The following ADGRA2 variants were observed in gnomAD, a reference collection of about 807,000 sequenced individuals.
ADGRA2 encodes adhesion G protein-coupled receptor A2.
ADGRA2 carries 61 observed loss-of-function variants against 98.7 expected under a neutral mutation model. The observed-to-expected ratio is 0.62, with a 90% confidence interval of 0.50 to 0.76. The LOEUF (loss-of-function observed/expected upper bound fraction) is 0.76, where lower values mean the gene tolerates loss of function less well. Among genes scored for constraint, ADGRA2 ranks in the 30% least tolerant of loss-of-function variants. The pLI, the probability that ADGRA2 is intolerant of heterozygous loss-of-function variation, is 0.00. For missense variants in ADGRA2, 1,712 were observed against 1,860.0 expected (o/e 0.92, Z 1.46); for synonymous variants, 858 against 831.5 (o/e 1.03, Z -0.55).
At chr8:37,821,416 C>T (rs1006314167) in intron 2 of ADGRA2, among the ~76,000 whole-genome samples, 3 of 152,204 alleles carry the variant, frequency 2.0e-5, no homozygotes, top group Non-Finnish European at 4.4e-5. Flanking sequence ...ATAGATTTGC[C>T]TACAGTTCCC....
intron 2 of ADGRA2, among the ~76,000 whole-genome samples, chr8:37,825,659 A>C (rs1805257632): frequency 6.6e-6 from 1 of 151,940 alleles, no homozygotes; most frequent in African/African-American, 2.4e-5. Flanking sequence ...CTTCAAAAGG[A>C]TGTGCTAAGA....
intron 2 of ADGRA2, among the ~76,000 whole-genome samples, chr8:37,818,017 C>T (rs1805027747): frequency 6.6e-6 from 1 of 152,044 alleles, no homozygotes; most frequent in African/African-American, 2.4e-5. Context: ...AGCAAGACTC[C>T]GTCTCTAAAT....
At chr8:37,801,916 A>G (rs1206517970) in intron 1 of ADGRA2, among the ~76,000 whole-genome samples, 1 of 152,260 alleles carries the variant, frequency 6.6e-6, no homozygotes, top group Non-Finnish European at 1.5e-5. Flanking sequence ...TGACCTGGGA[A>G]CATTCCAGGC....
At chr8:37,816,597 C>A (rs1183947250) in intron 2 of ADGRA2, among the ~76,000 whole-genome samples, 1 of 94,754 alleles carries the variant, frequency 1.1e-5, no homozygotes, top group African/African-American at 3.8e-5. Context: ...GTCTCAAACA[C>A]ACACACACAC....
At chr8:37,828,128 A>G (rs1157268575) in intron 2 of ADGRA2, among the ~76,000 whole-genome samples, 1 of 151,184 alleles carries the variant, frequency 6.6e-6, no homozygotes, top group Non-Finnish European at 1.5e-5. Flanking sequence ...GATGACAGAG[A>G]GACCCAGCCT....
intron 1 of ADGRA2, among the ~76,000 whole-genome samples, chr8:37,799,771 G>T (rs1804444558): frequency 6.6e-6 from 1 of 152,146 alleles, no homozygotes. Context: ...CCTGGCTCTG[G>T]ACTTCCCCAC....
Position 37,844,750 on chromosome 8 carries a change from C to A in ADGRA2, c.*2395C>A. ...GAATTATTTCCCACCTCCCCTTCTC[C>A]TTGCCCCTGTCCCCACCCCGGTGGC... On this transcript the variant is annotated 3_prime_UTR_variant, in exon 19 of 19. Transcript: ENST00000412232. 1 of 1,614,122 alleles carries A rather than the reference C, an allele frequency of 6.2e-7. No individual in the cohort carries two copies. Among genetic ancestry groups the A allele is most frequent in the Non-Finnish European group, 8.5e-7 (1 of 1,180,016 alleles).
chr8:37,826,943 C>A (rs1805300515), intron 2 of ADGRA2, among the ~76,000 whole-genome samples: 1 of 152,152 alleles, frequency 6.6e-6, no homozygotes, highest in Non-Finnish European at 1.5e-5. Context: ...CCTGGGAAAG[C>A]AAGTGGGCCC....
rs555378915 is a variant in ADGRA2 at position 37,828,331 on chromosome 8, G to A, written c.339-557G>A. ...GAGGTGGGGCAGGGTGGGAAAGGAG[G>A]CCTCCTAACTTCCAATCCAGGACGC... On this transcript the variant is annotated intron_variant, in intron 2 of 18. Transcript: ENST00000412232. Among the ~76,000 whole-genome samples the A allele has an allele frequency of 6.6e-5, 10 of 152,238 alleles. No homozygotes were observed. The East Asian group carries it at 1.4e-3, about 21-fold the overall frequency.
intron 15 of ADGRA2, 47 bp downstream of exon 15, chr8:37,839,130 G>GCAT (rs1805709835): frequency 2.1e-5 from 33 of 1,608,000 alleles, no homozygotes; most frequent in Non-Finnish European, 2.7e-5. Flanking sequence ...GGCATGGAAG[G>GCAT]GGCCCCTACC....
intron 2 of ADGRA2, among the ~76,000 whole-genome samples, chr8:37,820,547 A>G (rs1156609276): frequency 2.0e-5 from 3 of 152,232 alleles, no homozygotes; most frequent in Non-Finnish European, 2.9e-5. Context: ...CTCAGGAAAC[A>G]CTGATCCCTC....
At chr8:37,839,107 G>A in intron 15 of ADGRA2, 24 bp downstream of exon 15, 5 of 1,606,440 alleles carry the variant, frequency 3.1e-6, no homozygotes, top group Non-Finnish European at 4.3e-6. Context: ...CAGGAGGGAG[G>A]GCGTGGTGGG....
chr8:37,838,966 C>T lies in ADGRA2; in HGVS notation c.2270C>T (p.Ala757Val), dbSNP rs1438574092. Residue 757 changes from alanine (A) to valine (V), a missense_variant, in exon 15 of 19, where the codon GCC becomes GTC. Coordinates refer to ENST00000412232, the MANE Select transcript of ADGRA2 (RefSeq NM_032777.10). ...CCTGCCCTTTCCCAGGAGCTGAGCG[C>T]CTTTCCCAGGGAGGTGGGGGGCGCC... ...GNVAVLMELS[A>V]FPREVGGAGA... The T allele has an allele frequency of 3.8e-6, 6 of 1,570,418 alleles. No homozygotes were observed. The highest frequency in any genetic ancestry group is 5.2e-6 in the Non-Finnish European group (6 of 1,159,294).
Position 37,796,886 on chromosome 8 carries a change from C to G in ADGRA2, c.-383C>G, listed in dbSNP as rs1036913347. ...GGCGCGGCGCGGAGCTGCCTCCATC[C>G]ATGGCACGGAGCGGCGGCGGCGGCG... is the stretch of plus-strand genomic sequence containing the variant. On this transcript the variant is annotated 5_prime_UTR_variant, in exon 1 of 19. Coordinates refer to ENST00000412232, the MANE Select transcript of ADGRA2 (RefSeq NM_032777.10). 6.5e-6 allele frequency: 1 copy of G among 153,702 alleles called. No homozygotes were observed. The allele number at this position is 153,702 out of a possible 1,614,324, so 9.5% of individuals were successfully genotyped here. A position where few individuals can be genotyped will look rare whatever the true frequency, so the allele number is the denominator to read the frequency against.
Position 37,834,070 on chromosome 8 carries a change from G to C in ADGRA2, c.1550G>C (p.Gly517Ala). The C allele has an allele frequency of 6.2e-7, 1 of 1,612,870 alleles. No individual in the cohort carries two copies. Among genetic ancestry groups the C allele is most frequent in the Non-Finnish European group, 8.5e-7 (1 of 1,179,926 alleles). The change falls in exon 11 of 19, where the codon GGT becomes GCT. Residue 517 changes from glycine (G) to alanine (A), a missense_variant. Gly to Ala is a moderately conservative substitution (Grantham distance 60). Coordinates refer to ENST00000412232, the MANE Select transcript of ADGRA2 (RefSeq NM_032777.10). The surrounding 1 kb of genome is among the most constrained non-coding windows in gnomAD (Gnocchi z 4.2). Reference protein sequence around the residue: ...REDKACSRIVGALERIGGAAL... With the variant: ...REDKACSRIVAALERIGGAAL... Reference sequence around the variant, plus strand: ...GACAAGGCCTGCAGCCGCATCGTGGGTGCCCTGGAGCGCATTGGGGGGGCC... The same window carrying C: ...GACAAGGCCTGCAGCCGCATCGTGGCTGCCCTGGAGCGCATTGGGGGGGCC...
intron 2 of ADGRA2, among the ~76,000 whole-genome samples, chr8:37,824,032 T>C (rs1805197795): frequency 6.6e-6 from 1 of 151,978 alleles, no homozygotes; most frequent in Non-Finnish European, 1.5e-5. Flanking sequence ...TCCTTTAAGA[T>C]GCAATTTTTT....
At chr8:37,836,936 G>C (rs1272513513) in intron 13 of ADGRA2, among the ~76,000 whole-genome samples, 1 of 152,244 alleles carries the variant, frequency 6.6e-6, no homozygotes, top group African/African-American at 2.4e-5. Context: ...GTATGTGCCA[G>C]ACTGTGCCTG....
intron 10 of ADGRA2, 61 bp downstream of exon 10, chr8:37,833,898 C>A: frequency 3.7e-6 from 6 of 1,605,706 alleles, no homozygotes; most frequent in Non-Finnish European, 5.1e-6. Flanking sequence ...TTGCTCAAGC[C>A]TCTCTCTCAC....
At position 37,833,183 on chromosome 8, in the gene ADGRA2, C is replaced by T. The variant is rs1805508386; in HGVS notation, c.1271C>T (p.Thr424Ile). The change falls in exon 9 of 19, where the codon ACC (threonine) becomes ATC (isoleucine). Residue 424 changes from threonine to isoleucine, a missense_variant. Transcript: ENST00000412232. ...CACTGTCTCTACACCAACGACATCA[C>T]CAGGGTGCTGTACACCTTCGTGCTG... ...YSHCLYTNDI[T>I]RVLYTFVLMP... The T allele has an allele frequency of 1.2e-6, 2 of 1,612,622 alleles. No homozygotes were observed.
Sources: allele counts gnomAD v4.1 joint callset (sites outside exome capture counted in the v4.1 genomes callset), GRCh38; gene constraint gnomAD v4.1.1; non-coding constraint Gnocchi (gnomAD v3.1); transcripts MANE v1.5; gene names NCBI Gene and HGNC (gene_info 2026-07-23, HGNC 2026-07-21).